BLNK: variants seen among roughly 807,000 people sequenced by gnomAD.
BLNK encodes the protein B cell linker, also known as B-cell linker protein.
Under a neutral mutation model 73.5 loss-of-function variants are expected in BLNK, and 29 were observed. That is an observed-to-expected ratio of 0.39 (90% CI 0.29 to 0.54). The LOEUF is 0.54. BLNK is among the 20% of genes least tolerant of loss of function. BLNK has a pLI of 0.61. For synonymous variants in BLNK, 176 were observed against 200.8 expected, an observed-to-expected ratio of 0.88 and a Z score of 1.04; for missense variants, 460 against 562.8, an observed-to-expected ratio of 0.82 and a Z score of 1.85.
intron 15 of BLNK, chr10:96,199,481 C>A (rs80337218): frequency 0.044 from 20,407 of 460,980 alleles, 589 homozygotes; most frequent in East Asian, 0.1. Context: ...CATAGACCTC[C>A]CCTGGAGCTT....
chr10:96,246,539 C>T (rs782377055), intron 2 of BLNK, among the ~76,000 whole-genome samples: 6 of 152,030 alleles, frequency 3.9e-5, no homozygotes, highest in East Asian at 1.9e-4. Flanking sequence ...GCAACAAGAG[C>T]GAAACTCCAT....
intron 1 of BLNK, among the ~76,000 whole-genome samples, chr10:96,249,777 G>A (rs868959175): frequency 1.3e-5 from 2 of 152,208 alleles, no homozygotes; most frequent in Non-Finnish European, 2.9e-5. Flanking sequence ...CAGAGCCATC[G>A]CTAGCTATTT....
At chr10:96,262,041 T>TGGTC (rs1328160674) in intron 1 of BLNK, among the ~76,000 whole-genome samples, 1 of 152,206 alleles carries the variant, frequency 6.6e-6, no homozygotes. Flanking sequence ...TACTTAGGTG[T>TGGTC]GGTCTCCCAC....
At position 96,200,300 on chromosome 10, in the gene BLNK, C is replaced by T; in HGVS notation, c.1012-142G>A. ...TAATTTTAAGATGAGTTTTATTTTT[C>T]CTTTGATCAAACACAAGGATTATAC... On this transcript the variant is annotated intron_variant, in intron 14 of 16. Coordinates refer to ENST00000224337, the MANE Select transcript of BLNK (RefSeq NM_013314.4). The surrounding 1 kb of genome is among the most constrained non-coding windows in gnomAD (Gnocchi z 4.3). 1.6e-6 allele frequency: 1 copy of T among 634,790 alleles called. No homozygotes were observed. The highest frequency in any genetic ancestry group is 2.8e-6 in the Non-Finnish European group (1 of 356,934). 39.3% of individuals were successfully genotyped at this position (634,790 alleles called of 1,614,324 possible).
intron 8 of BLNK, among the ~76,000 whole-genome samples, chr10:96,212,191 G>T (rs2083964107): frequency 6.6e-6 from 1 of 152,152 alleles, no homozygotes; most frequent in Non-Finnish European, 1.5e-5. Flanking sequence ...CTGGTGGAAA[G>T]CCTATGGTCT....
chr10:96,213,227 G>A (rs2083987556), intron 8 of BLNK, among the ~76,000 whole-genome samples: 1 of 152,216 alleles, frequency 6.6e-6, no homozygotes, highest in South Asian at 2.1e-4. Flanking sequence ...ACAGCTGTGA[G>A]CAAATAAAGA....
chr10:96,244,677 C>T (rs781853648), intron 2 of BLNK, among the ~76,000 whole-genome samples: 1 of 152,124 alleles, frequency 6.6e-6, no homozygotes. Context: ...TGACGTCACC[C>T]GGGGTAATGA....
intron 6 of BLNK, among the ~76,000 whole-genome samples, chr10:96,220,942 C>T (rs782327056): frequency 5.9e-5 from 9 of 152,178 alleles, no homozygotes; most frequent in African/African-American, 1.4e-4. Context: ...ACTTTCCCAT[C>T]GGCTCATACC....
In BLNK at chr10:96,268,236, T is replaced by C. The variant is rs147521553; in HGVS notation, c.47+3116A>G. Among the ~76,000 whole-genome samples the C allele has an allele frequency of 6.9e-3, 1,044 of 152,314 alleles. 56 individuals carry two copies. The highest frequency in any genetic ancestry group is 0.052 in the Admixed American group (800 of 15,296). On this transcript the variant is annotated intron_variant, in intron 1 of 16. Transcript: ENST00000224337. ...TGGGAGGTTATTAAAAACTAAACAT[T>C]TCATTTTCAAGTTAGTTTTACTAAT...
intron 3 of BLNK, among the ~76,000 whole-genome samples, chr10:96,242,061 A>AC (rs1422814699): frequency 4.0e-5 from 6 of 151,688 alleles, no homozygotes; most frequent in East Asian, 1.9e-4. Flanking sequence ...TTTTCTGTGT[A>AC]CCCCCCCAAA....
At chr10:96,219,443 C>T (rs1554900637) in intron 6 of BLNK, among the ~76,000 whole-genome samples, 1 of 152,198 alleles carries the variant, frequency 6.6e-6, no homozygotes, top group African/African-American at 2.4e-5. Context: ...GGAGGCATGC[C>T]ACCCTCTTAA....
intron 16 of BLNK, among the ~76,000 whole-genome samples, chr10:96,195,844 A>G (rs1159812788): frequency 2.0e-5 from 3 of 152,264 alleles, no homozygotes; most frequent in Non-Finnish European, 2.9e-5. Context: ...AAGAATACAC[A>G]TGACTTTTTC....
intron 10 of BLNK, among the ~76,000 whole-genome samples, chr10:96,207,271 G>T (rs2083840053): frequency 6.6e-6 from 1 of 152,334 alleles, no homozygotes; most frequent in East Asian, 1.9e-4. Context: ...CAATGTCACT[G>T]TGGTGGAGAA....
intron 1 of BLNK, among the ~76,000 whole-genome samples, chr10:96,253,682 G>A (rs782353208): frequency 2.6e-5 from 4 of 152,262 alleles, no homozygotes; most frequent in Middle Eastern, 3.4e-3. Flanking sequence ...TCTAGGCCTG[G>A]TGACTCTTAT....
intron 2 of BLNK, among the ~76,000 whole-genome samples, chr10:96,243,861 A>T (rs1842953884): frequency 6.6e-6 from 1 of 152,166 alleles, no homozygotes; most frequent in Admixed American, 6.5e-5. Flanking sequence ...ATTTTAACTA[A>T]GAATTATTTG....
chr10:96,211,264 A>G (rs2083941560), intron 8 of BLNK, among the ~76,000 whole-genome samples: 1 of 152,178 alleles, frequency 6.6e-6, no homozygotes, highest in African/African-American at 2.4e-5. Flanking sequence ...AGCACAGATA[A>G]GCACACATTG....
At chr10:96,194,298 G>T (rs1160212855) in intron 16 of BLNK, among the ~76,000 whole-genome samples, 1 of 152,190 alleles carries the variant, frequency 6.6e-6, no homozygotes, top group Non-Finnish European at 1.5e-5. Flanking sequence ...TAAAACCAAA[G>T]ATTGGTCTTG....
intron 1 of BLNK, among the ~76,000 whole-genome samples, chr10:96,259,536 C>T (rs751385003): frequency 9.2e-5 from 14 of 152,064 alleles, no homozygotes; most frequent in Non-Finnish European, 1.3e-4. Flanking sequence ...GCAGAAAGGC[C>T]CCCTGAGGGT....
intron 4 of BLNK, among the ~76,000 whole-genome samples, chr10:96,228,501 C>T (rs1430307524): frequency 6.6e-6 from 1 of 152,176 alleles, no homozygotes; most frequent in Admixed American, 6.5e-5. Context: ...AGGTGATCTG[C>T]CAGCCTCGGC....
Sources: allele counts gnomAD v4.1 joint callset (sites outside exome capture counted in the v4.1 genomes callset), GRCh38; gene constraint gnomAD v4.1.1; non-coding constraint Gnocchi (gnomAD v3.1); transcripts MANE v1.5; gene names NCBI Gene and HGNC (gene_info 2026-07-23, HGNC 2026-07-21).